The following RAB21 variants were observed in gnomAD, a reference collection of about 807,000 sequenced individuals.
RAB21 encodes the protein ras-related protein Rab-21.
In RAB21, 13 loss-of-function variants were observed where a neutral mutation model predicts 33.1. The ratio of observed to expected loss-of-function variants is 0.39; its 90% CI spans 0.26 to 0.62. RAB21 has a LOEUF of 0.62. Ranked by LOEUF, RAB21 falls within the 20% of genes least tolerant of loss-of-function variation. The pLI is 0.48. For synonymous variants in RAB21, 91 were observed against 103.7 expected, an observed-to-expected ratio of 0.88 and a Z score of 0.74; for missense variants, 234 against 279.1, an observed-to-expected ratio of 0.84 and a Z score of 1.15.
chr12:71,777,383 T>C (rs1218378255), intron 4 of RAB21, among the ~76,000 whole-genome samples: 1 of 152,240 alleles, frequency 6.6e-6, no homozygotes, highest in Non-Finnish European at 1.5e-5. Context: ...GTTCATTTTA[T>C]TCTGATTGCT....
intron 1 of RAB21, among the ~76,000 whole-genome samples, chr12:71,767,062 TAGC>T (rs1882971927): frequency 6.6e-6 from 1 of 152,204 alleles, no homozygotes; most frequent in Non-Finnish European, 1.5e-5. Flanking sequence ...TAGCTAGTAT[TAGC>T]AGCAGTAGTA....
At chr12:71,770,439 GGCCTGTTTT>G in intron 2 of RAB21, 144 bp from the exon 3 acceptor site, 1 of 611,538 alleles carries the variant, frequency 1.6e-6, no homozygotes, top group South Asian at 1.9e-5. Flanking sequence ...TTTTGTGTGT[GGCCTGTTTT>G]GCTGTTTTGT....
rs2137669988 is a variant in RAB21, at chr12:71,798,434, A to C, written c.*12761A>C. 1 of 152,284 alleles carries C rather than the reference A, an allele frequency of 6.6e-6. No homozygotes were observed. The highest frequency in any genetic ancestry group is 2.1e-4 in the South Asian group (1 of 4,824). 9.4% of individuals were successfully genotyped at this position (152,284 alleles called of 1,614,324 possible). The stretch of plus-strand genomic sequence containing the variant: ...ATAAAATAAATTCCTCACAGCAAAA[A>C]ACCACCATAAGCATAGTCTAAAGAA... On this transcript the variant is annotated 3_prime_UTR_variant, in exon 7 of 7. Transcript: ENST00000261263.
chr12:71,796,028 A>G lies in RAB21; in HGVS notation c.*10355A>G, dbSNP rs1219977564. ...GAAATTTTATGACATTCTAATGTAC[A>G]TACTCGCCAAGAAATGCTACAAGGA... is the stretch of plus-strand genomic sequence containing the variant. On this transcript the variant is annotated 3_prime_UTR_variant, in exon 7 of 7. Coordinates refer to ENST00000261263, the MANE Select transcript of RAB21 (RefSeq NM_014999.4). 1.5e-5 allele frequency: 2 copies of G among 137,864 alleles called. No individual in the cohort carries two copies. Among genetic ancestry groups the G allele is most frequent in the Admixed American group, 7.4e-5 (1 of 13,440 alleles). The allele number at this position is 137,864 out of a possible 1,614,324, so 8.5% of individuals were successfully genotyped here.
chr12:71,773,274 CT>C (rs1361697512), intron 3 of RAB21, among the ~76,000 whole-genome samples: 1 of 152,226 alleles, frequency 6.6e-6, no homozygotes. Context: ...CATTGGTTCT[CT>C]ACCGGGGATG....
At chr12:71,764,922 G>A (rs1458825516) in intron 1 of RAB21, among the ~76,000 whole-genome samples, 1 of 152,140 alleles carries the variant, frequency 6.6e-6, no homozygotes, top group Non-Finnish European at 1.5e-5. Flanking sequence ...AAACATGTGT[G>A]CATGTGTCTT....
In RAB21 at chr12:71,788,372, G is replaced by A. The variant is rs1883326681; in HGVS notation, c.*2699G>A. ...CTCACGTATTTCTTTATCCTTTTTA[G>A]TGGGGGCCTGTAATTGAGGCTAATT... On this transcript the variant is annotated 3_prime_UTR_variant, in exon 7 of 7. Transcript: ENST00000261263. 6.6e-6 allele frequency: 1 copy of A among 151,506 alleles called. No individual in the cohort carries two copies. The highest frequency in any genetic ancestry group is 2.1e-4 in the South Asian group (1 of 4,798). 9.4% of individuals were successfully genotyped at this position (151,506 alleles called of 1,614,324 possible).
chr12:71,775,573 G>C (rs1362407032), intron 4 of RAB21, among the ~76,000 whole-genome samples: 2 of 152,102 alleles, frequency 1.3e-5, no homozygotes, highest in Non-Finnish European at 2.9e-5. Flanking sequence ...GTCTCGCTCT[G>C]TCACCCAGGC....
rs1883296444 is a variant in RAB21, at chr12:71,786,544, T to G, written c.*871T>G. On this transcript the variant is annotated 3_prime_UTR_variant, in exon 7 of 7. Transcript: ENST00000261263. ...TGTATGCTGAGCTGGTAAAATACAT[T>G]GTAAATTACATATTAAATATTTTAT... 6.6e-6 allele frequency: 1 copy of G among 152,646 alleles called. No homozygotes were observed. The highest frequency in any genetic ancestry group is 1.5e-5 in the Non-Finnish European group (1 of 68,040). The allele number at this position is 152,646 out of a possible 1,614,324, so 9.5% of individuals were successfully genotyped here. A position where few individuals can be genotyped will look rare whatever the true frequency, so the allele number is the denominator to read the frequency against.
rs550324264 is a variant in RAB21, at chr12:71,781,637, A to G, written c.392-394A>G. Among the ~76,000 whole-genome samples the G allele has an allele frequency of 2.0e-4, 31 of 152,320 alleles. No homozygotes were observed. The South Asian group carries it at 6.4e-3, about 32-fold the overall frequency. On this transcript the variant is annotated intron_variant, in intron 4 of 6. Coordinates refer to ENST00000261263, the MANE Select transcript of RAB21 (RefSeq NM_014999.4). ...TTTTAGTAAACACTAAGATAGCCAT[A>G]CTTATTGACCGGCTCTAAGTTAATG...
chr12:71,761,685 T>A (rs1282025267), intron 1 of RAB21, among the ~76,000 whole-genome samples: 2 of 151,994 alleles, frequency 1.3e-5, no homozygotes, highest in African/African-American at 2.4e-5. Context: ...CTCAAAAAAA[T>A]AAAAATAAAA....
chr12:71,768,394 A>G (rs1320275387), intron 1 of RAB21, among the ~76,000 whole-genome samples: 2 of 152,070 alleles, frequency 1.3e-5, no homozygotes, highest in African/African-American at 4.8e-5. Flanking sequence ...CTTCTATATA[A>G]ATAACACCTA....
At chr12:71,778,713 A>G (rs940349385) in intron 4 of RAB21, among the ~76,000 whole-genome samples, 3 of 152,232 alleles carry the variant, frequency 2.0e-5, no homozygotes, top group Non-Finnish European at 1.5e-5. Flanking sequence ...TGGAAGGGAA[A>G]TGCAGAATGG....
rs1454426438 is a variant in RAB21, at chr12:71,792,207, A to C, written c.*6534A>C. On this transcript the variant is annotated 3_prime_UTR_variant, in exon 7 of 7. Transcript: ENST00000261263. ...CTCTTTTAAAGCAAGTTAAATCAGC[A>C]GTAATAGTTCTGGAACTAGAAGTTA... 6.6e-6 allele frequency: 1 copy of C among 152,230 alleles called. No individual in the cohort carries two copies. The highest frequency in any genetic ancestry group is 1.5e-5 in the Non-Finnish European group (1 of 68,038). The allele number at this position is 152,230 out of a possible 1,614,324, so 9.4% of individuals were successfully genotyped here. A position where few individuals can be genotyped will look rare whatever the true frequency, so the allele number is the denominator to read the frequency against.
intron 3 of RAB21, among the ~76,000 whole-genome samples, chr12:71,771,627 GT>G (rs1883043279): frequency 6.6e-6 from 1 of 152,138 alleles, no homozygotes; most frequent in East Asian, 1.9e-4. Flanking sequence ...GCTGCTGTTT[GT>G]TATCTCCCTC....
At chr12:71,783,553 C>A (rs1172264905) in intron 6 of RAB21, among the ~76,000 whole-genome samples, 1 of 151,972 alleles carries the variant, frequency 6.6e-6, no homozygotes, top group Non-Finnish European at 1.5e-5. Flanking sequence ...TAAGTGATGT[C>A]CCCTGATCAG....
chr12:71,779,048 A>C lies in RAB21; in HGVS notation c.392-2983A>C, dbSNP rs1447766635. On this transcript the variant is annotated intron_variant, in intron 4 of 6. Coordinates refer to ENST00000261263, the MANE Select transcript of RAB21 (RefSeq NM_014999.4). ...TAATATTAATAACTGTTCCTTATTG[A>C]GCATATAGTATATGCTAGGCCTTTT... Among the ~76,000 whole-genome samples, 7 of 152,362 alleles carry C rather than the reference A, an allele frequency of 4.6e-5. No individual in the cohort carries two copies. In the East Asian group the frequency reaches 5.8e-4, roughly 13 times the overall value.
chr12:71,776,741 T>C (rs1472394432), intron 4 of RAB21, among the ~76,000 whole-genome samples: 2 of 151,856 alleles, frequency 1.3e-5, no homozygotes, highest in African/African-American at 4.8e-5. Flanking sequence ...TCTGAGAGCT[T>C]ATTTACTACT....
Position 71,789,918 on chromosome 12 carries a change from G to A in RAB21, c.*4245G>A, listed in dbSNP as rs936143670. On this transcript the variant is annotated 3_prime_UTR_variant, in exon 7 of 7. Transcript: ENST00000261263. The stretch of plus-strand genomic sequence containing the variant: ...AGTTGTAATATTTTAATAGTGTTAT[G>A]TATTGGAAAAAATTTAGAAATACTC... 6.6e-6 allele frequency: 1 copy of A among 152,032 alleles called. No individual in the cohort carries two copies. The highest frequency in any genetic ancestry group is 2.4e-5 in the African/African-American group (1 of 41,414). 9.4% of individuals were successfully genotyped at this position (152,032 alleles called of 1,614,324 possible). A position where few individuals can be genotyped will look rare whatever the true frequency, so the allele number is the denominator to read the frequency against.
Sources: gnomAD v4.1 joint callset for allele counts (sites outside exome capture counted in the v4.1 genomes callset) on GRCh38, gnomAD v4.1.1 for gene constraint, MANE v1.5 for transcripts, NCBI Gene and HGNC (gene_info 2026-07-23, HGNC 2026-07-21) for gene names.